KRABD5: variants seen among roughly 807,000 people sequenced by gnomAD.
KRABD5 encodes KRAB domain containing 5.
chr16:31,723,395 C>T, the KRABD5 span: 1 of 1,567,296 alleles, frequency 6.4e-7, no homozygotes. Context: ...GGCGAGAGGT[C>T]CAGAGATTAA....
chr16:31,759,500 C>A, the KRABD5 span: 5 of 1,305,366 alleles, frequency 3.8e-6, no homozygotes, highest in African/African-American at 4.4e-5. Context: ...ATTTGTCTAA[C>A]ATGTACAGTT....
the KRABD5 span, among the ~76,000 whole-genome samples, chr16:31,751,195 AT>A: frequency 1.3e-5 from 2 of 152,104 alleles, no homozygotes; most frequent in Non-Finnish European, 2.9e-5. Context: ...GCTTGCTACT[AT>A]TTTGTTGAAG....
At chr16:31,759,386 A>G in the KRABD5 span, 8 of 1,537,914 alleles carry the variant, frequency 5.2e-6, no homozygotes, top group Non-Finnish European at 7.0e-6. Flanking sequence ...AAAAAAATCA[A>G]CAAGATAATC....
the KRABD5 span, among the ~76,000 whole-genome samples, chr16:31,731,010 A>G: frequency 6.6e-6 from 1 of 152,018 alleles, no homozygotes; most frequent in African/African-American, 2.4e-5. Flanking sequence ...ATTATTTTGA[A>G]TTCTTTGTCA....
chr16:31,744,723 G>C, the KRABD5 span, among the ~76,000 whole-genome samples: 1 of 152,134 alleles, frequency 6.6e-6, no homozygotes, highest in Non-Finnish European at 1.5e-5. Context: ...TGTACTTCTG[G>C]TAGAATTCGG....
chr16:31,734,189 T>C, the KRABD5 span, among the ~76,000 whole-genome samples: 1 of 152,182 alleles, frequency 6.6e-6, no homozygotes, highest in Non-Finnish European at 1.5e-5. Context: ...ACCTCATGTA[T>C]TTGGTAATTC....
chr16:31,727,924 T>G, the KRABD5 span, among the ~76,000 whole-genome samples: 1 of 152,202 alleles, frequency 6.6e-6, no homozygotes, highest in Non-Finnish European at 1.5e-5. Context: ...TGCAGTGGCA[T>G]GATCATAACT....
chr16:31,750,276 C>T, the KRABD5 span, among the ~76,000 whole-genome samples: 3 of 151,846 alleles, frequency 2.0e-5, no homozygotes, highest in East Asian at 1.9e-4. Flanking sequence ...CCTAGGTATT[C>T]GGTTTTTTCT....
At chr16:31,730,890 A>G in the KRABD5 span, among the ~76,000 whole-genome samples, 1 of 151,778 alleles carries the variant, frequency 6.6e-6, no homozygotes, top group Non-Finnish European at 1.5e-5. Flanking sequence ...GTTCCTTTTA[A>G]TGGTTTCTAT....
chr16:31,717,183 A>G, the KRABD5 span, among the ~76,000 whole-genome samples: 2 of 151,692 alleles, frequency 1.3e-5, no homozygotes, highest in African/African-American at 2.4e-5. Context: ...TTTAGTAGAG[A>G]TGGGGTTTCA....
At chr16:31,748,236 A>G in the KRABD5 span, among the ~76,000 whole-genome samples, 1 of 152,220 alleles carries the variant, frequency 6.6e-6, no homozygotes, top group Non-Finnish European at 1.5e-5. Context: ...AGCACCATTT[A>G]TTAAATAGGG....
the KRABD5 span, among the ~76,000 whole-genome samples, chr16:31,751,636 T>A: frequency 6.6e-6 from 1 of 152,214 alleles, no homozygotes; most frequent in Non-Finnish European, 1.5e-5. Context: ...TTGTTTCTGA[T>A]TGTGCTTATC....
the KRABD5 span, chr16:31,755,629 AC>A: frequency 2.1e-6 from 1 of 485,378 alleles, no homozygotes. Context: ...CTGGAGAGAA[AC>A]CCTACAAATG....
chr16:31,756,683 A>T, the KRABD5 span: 1 of 152,206 alleles, frequency 6.6e-6, no homozygotes, highest in East Asian at 1.9e-4. Context: ...TAAATGCCAT[A>T]CTTTTAAAAT....
the KRABD5 span, among the ~76,000 whole-genome samples, chr16:31,730,243 G>A: frequency 2.0e-5 from 3 of 151,720 alleles, no homozygotes; most frequent in South Asian, 6.2e-4. Flanking sequence ...TTTTTTGGTG[G>A]GGGGGTCTTG....
the KRABD5 span, among the ~76,000 whole-genome samples, chr16:31,743,759 G>A: frequency 6.6e-6 from 1 of 152,150 alleles, no homozygotes; most frequent in East Asian, 1.9e-4. Flanking sequence ...CATGAGGATG[G>A]AATATTTTTC....
At chr16:31,731,005 T>C in the KRABD5 span, among the ~76,000 whole-genome samples, 8 of 152,338 alleles carry the variant, frequency 5.3e-5, no homozygotes, top group South Asian at 1.2e-3. Flanking sequence ...AGATGATTAT[T>C]TTGAATTCTT....
chr16:31,720,238 G>T, the KRABD5 span, among the ~76,000 whole-genome samples: 1 of 152,220 alleles, frequency 6.6e-6, no homozygotes. Flanking sequence ...GGCTGGCAAA[G>T]GATGTGATTT....
chr16:31,715,733 T>C, the KRABD5 span, among the ~76,000 whole-genome samples: 1 of 152,096 alleles, frequency 6.6e-6, no homozygotes, highest in African/African-American at 2.4e-5. Flanking sequence ...GCTGTCAGAA[T>C]TGAGTTGTTG....
Sources: gnomAD v4.1 joint callset for allele counts (sites outside exome capture counted in the v4.1 genomes callset) on GRCh38, gnomAD v4.1.1 for gene constraint, MANE v1.5 for transcripts, NCBI Gene and HGNC (gene_info 2026-07-23, HGNC 2026-07-21) for gene names.